Variants in TOP1MT observed in about 807,000 individuals in gnomAD.
TOP1MT encodes the protein DNA topoisomerase I mitochondrial.
Under a neutral mutation model 73.9 loss-of-function variants are expected in TOP1MT, and 80 were observed. That is an observed-to-expected ratio of 1.08 (90% CI 0.90 to 1.30). The LOEUF is 1.30. TOP1MT is among the 50% of genes most tolerant of loss of function. The pLI, the probability that TOP1MT is intolerant of heterozygous loss-of-function variation, is 0.00. For missense variants in TOP1MT, 815 were observed against 808.0 expected (o/e 1.01, Z -0.10); for synonymous variants, 338 against 326.4 (o/e 1.04, Z -0.38).
intron 7 of TOP1MT, 106 bp from the exon 8 acceptor site, chr8:143,321,492 ACACGCACGCCACACACACGCACTC>A (rs1816356809): frequency 3.2e-6 from 1 of 308,746 alleles, no homozygotes. Context: ...CGCACGCCAC[ACACGCACGCCACACACACGCACTC>A]CACACACGCA....
At chr8:143,353,829 TGGCG>T (rs1400850876) in intron 1 of TOP1MT, among the ~76,000 whole-genome samples, 1 of 151,672 alleles carries the variant, frequency 6.6e-6, no homozygotes, top group African/African-American at 2.4e-5. Flanking sequence ...CCAGGCGTGG[TGGCG>T]GGTGCCTGTA....
chr8:143,321,018 G>A (rs1444547248), intron 8 of TOP1MT, among the ~76,000 whole-genome samples, 183 bp downstream of exon 8: 4 of 152,134 alleles, frequency 2.6e-5, no homozygotes, highest in African/African-American at 9.7e-5. Context: ...GAACCCTTGG[G>A]TCTACCATGG....
chr8:143,331,435 A>G, intron 1 of TOP1MT, 96 bp from the exon 2 acceptor site: 1 of 1,051,552 alleles, frequency 9.5e-7, no homozygotes, highest in Non-Finnish European at 1.4e-6. Flanking sequence ...GGCTCCTAGC[A>G]GGTGAGCAGT....
chr8:143,332,554 G>T (rs1271220685), intron 1 of TOP1MT: 4 of 1,289,458 alleles, frequency 3.1e-6, no homozygotes, highest in East Asian at 5.5e-5. Context: ...GGTGGGCCTG[G>T]TCGGCTGGGA....
intron 2 of TOP1MT, 129 bp from the exon 3 acceptor site, chr8:143,329,600 C>T: frequency 2.7e-6 from 3 of 1,101,970 alleles, no homozygotes; most frequent in Non-Finnish European, 3.8e-6. Flanking sequence ...AGGCCTTCTT[C>T]TGTAAGTTCA....
intron 1 of TOP1MT, chr8:143,332,510 C>G (rs77048813): frequency 3.1e-6 from 4 of 1,289,354 alleles, no homozygotes; most frequent in Non-Finnish European, 4.0e-6. Context: ...GAGACCTGCA[C>G]GTGACCCCAG....
chr8:143,332,479 A>AC, intron 1 of TOP1MT: 1 of 1,288,558 alleles, frequency 7.8e-7, no homozygotes, highest in Non-Finnish European at 1.0e-6. Flanking sequence ...TCCAGATCAC[A>AC]CCCCCACCTG....
chr8:143,318,475 G>A (rs1193952666), intron 8 of TOP1MT, among the ~76,000 whole-genome samples: 2 of 152,190 alleles, frequency 1.3e-5, no homozygotes, highest in African/African-American at 2.4e-5. Flanking sequence ...GGGTTCCTGT[G>A]TCCAACCTCC....
intron 7 of TOP1MT, 69 bp from the exon 8 acceptor site, chr8:143,321,455 ACACG>A: frequency 1.3e-6 from 1 of 770,986 alleles, no homozygotes; most frequent in Non-Finnish European, 1.7e-6. Context: ...CACGCCACAC[ACACG>A]CACGCCACAC....
intron 7 of TOP1MT, 145 bp downstream of exon 7, chr8:143,323,854 C>G: frequency 1.2e-6 from 1 of 840,096 alleles, no homozygotes; most frequent in South Asian, 1.6e-5. Flanking sequence ...CACCCACACA[C>G]GTGTGCACAT....
In TOP1MT at chr8:143,309,469, G is replaced by A. The variant is rs1169298380; in HGVS notation, c.1778C>T (p.Ala593Val). The change falls in exon 14 of 14, where the codon GCC (alanine) becomes GTC (valine). Residue 593 changes from alanine to valine, a missense_variant. Physicochemically the swap from Ala to Val is moderately conservative, Grantham distance 64. Transcript: ENST00000329245. ...GAATTCAAAGTCTTCTCCTGCCATG[G>A]CGAGAGCCCAGGCGAACCTCTCCCG... ...TQRERFAWAL[A>V]MAGEDFEF is the part of the protein sequence containing the mutation. 6.2e-7 allele frequency: 1 copy of A among 1,613,900 alleles called. No homozygotes were observed. The highest frequency in any genetic ancestry group is 8.5e-7 in the Non-Finnish European group (1 of 1,180,030).
chr8:143,316,264 G>C (rs879612266), intron 10 of TOP1MT, 138 bp from the exon 11 acceptor site: 307 of 1,379,396 alleles, frequency 2.2e-4, no homozygotes, highest in Non-Finnish European at 2.9e-4. Flanking sequence ...GAGAGTGAGG[G>C]CCAAGGGTCA....
intron 1 of TOP1MT, among the ~76,000 whole-genome samples, chr8:143,352,331 C>T (rs547100786): frequency 1.3e-5 from 2 of 152,272 alleles, no homozygotes; most frequent in African/African-American, 4.8e-5. Flanking sequence ...GGGGCACTGT[C>T]AGAAGGACAC....
intron 1 of TOP1MT, among the ~76,000 whole-genome samples, chr8:143,353,805 A>G (rs1028119034): frequency 2.0e-5 from 3 of 151,724 alleles, no homozygotes; most frequent in Non-Finnish European, 4.4e-5. Flanking sequence ...CTCTACTAAA[A>G]ATACAAAAAT....
chr8:143,327,020 C>T (rs1586766933), intron 3 of TOP1MT, among the ~76,000 whole-genome samples: 2 of 152,164 alleles, frequency 1.3e-5, no homozygotes, highest in African/African-American at 4.8e-5. Context: ...TCCACCCAGC[C>T]CTGCCCTAAG....
upstream of TOP1MT, among the ~76,000 whole-genome samples, chr8:143,338,068 C>T (rs1253470317): frequency 2.0e-5 from 3 of 152,184 alleles, no homozygotes; most frequent in African/African-American, 4.8e-5. Flanking sequence ...GGCGATTCTA[C>T]TGATGCTCCC....
intron 7 of TOP1MT, among the ~76,000 whole-genome samples, chr8:143,321,768 CCA>C (rs1491555085): frequency 1.7e-4 from 18 of 106,760 alleles, no homozygotes; most frequent in African/African-American, 4.6e-4. Context: ...CACAGGCACG[CCA>C]CACACACGCA....
chr8:143,354,217 C>T (rs1817368867), intron 1 of TOP1MT, among the ~76,000 whole-genome samples: 1 of 151,950 alleles, frequency 6.6e-6, no homozygotes, highest in Admixed American at 6.6e-5. Flanking sequence ...AGGGTGTTTT[C>T]GGCTGTGAAA....
chr8:143,357,921 C>CAA (rs912716417), upstream of TOP1MT, among the ~76,000 whole-genome samples: 44 of 98,518 alleles, frequency 4.5e-4, no homozygotes, highest in Admixed American at 2.3e-3. Context: ...AACTCCGTCT[C>CAA]AAAAAAAAAA....
Sources: allele counts gnomAD v4.1 joint callset (sites outside exome capture counted in the v4.1 genomes callset), GRCh38; gene constraint gnomAD v4.1.1; transcripts MANE v1.5; gene names NCBI Gene and HGNC (gene_info 2026-07-23, HGNC 2026-07-21).